The following LIMS1 variants were observed in gnomAD, a reference collection of about 807,000 sequenced individuals.
LIMS1 encodes LIM and senescent cell antigen-like-containing domain protein 1.
Under a neutral mutation model 44.1 loss-of-function variants are expected in LIMS1, and 18 were observed. The ratio of observed to expected loss-of-function variants is 0.41; its 90% CI spans 0.28 to 0.61. The LOEUF (loss-of-function observed/expected upper bound fraction) is 0.61. Ranked by LOEUF, LIMS1 falls within the 20% of genes least tolerant of loss-of-function variation. The pLI, the probability that LIMS1 is intolerant of heterozygous loss-of-function variation, is 0.32. For synonymous variants in LIMS1, 93 were observed against 149.1 expected (o/e 0.62, Z 2.74); for missense variants, 201 against 422.0 (o/e 0.48, Z 4.59).
At chr2:108,660,483 G>A in intron 2 of LIMS1, 1 of 365,688 alleles carries the variant, frequency 2.7e-6, no homozygotes, top group South Asian at 2.1e-5. Flanking sequence ...GCCCAGGCTA[G>A]AGTGTAGTGG....
intron 1 of LIMS1, among the ~76,000 whole-genome samples, chr2:108,643,272 A>G (rs1689831256): frequency 6.6e-6 from 1 of 152,148 alleles, no homozygotes; most frequent in Admixed American, 6.5e-5. Context: ...AAGGCAGGTG[A>G]TTTCTGCATT....
At chr2:108,535,338 A>T (rs2104558080) in intron 1 of LIMS1, among the ~76,000 whole-genome samples, 1 of 152,382 alleles carries the variant, frequency 6.6e-6, no homozygotes, top group South Asian at 2.1e-4. Context: ...CGTAAGTGGA[A>T]GTTTCTCAAA....
intron 1 of LIMS1, among the ~76,000 whole-genome samples, chr2:108,617,567 A>G (rs1428901183): frequency 6.6e-6 from 1 of 152,214 alleles, no homozygotes; most frequent in Non-Finnish European, 1.5e-5. Flanking sequence ...AGGCTCTCAA[A>G]ATTAATTGGT....
intron 8 of LIMS1, among the ~76,000 whole-genome samples, chr2:108,680,060 A>G (rs1386308668): frequency 6.6e-6 from 1 of 151,938 alleles, no homozygotes; most frequent in Non-Finnish European, 1.5e-5. Context: ...CCGTGTCTCT[A>G]TAAAAAATAC....
At chr2:108,570,341 A>T (rs1220533479) in intron 1 of LIMS1, among the ~76,000 whole-genome samples, 1 of 152,092 alleles carries the variant, frequency 6.6e-6, no homozygotes, top group East Asian at 1.9e-4. Flanking sequence ...GAAGTAGGAG[A>T]ATCTCTTGAA....
At chr2:108,611,858 C>T (rs796416998) in intron 1 of LIMS1, among the ~76,000 whole-genome samples, 56 of 84,856 alleles carry the variant, frequency 6.6e-4, no homozygotes, top group East Asian at 6.0e-3. Context: ...TATATATACA[C>T]ACATATATAT....
rs535331473 is a variant in LIMS1, at chr2:108,650,850, TTTTA to T, written c.33-8744_33-8741del. On this transcript the variant is annotated intron_variant, in intron 1 of 9. Transcript: ENST00000544547. ...TAGTCATAGAAGCAGAGGCTATGAC[TTTTA>T]TTTATTTATTCATTCATTCATTCAT... Among the ~76,000 whole-genome samples, 676 of 129,362 alleles carry T rather than the reference TTTTA, an allele frequency of 5.2e-3. 4 individuals carry two copies. The highest frequency in any genetic ancestry group is 0.032 in the East Asian group (58 of 1,834). 84.9% of individuals were successfully genotyped at this position (129,362 alleles called of 152,430 possible). A position where few individuals can be genotyped will look rare whatever the true frequency, so the allele number is the denominator to read the frequency against.
intron 2 of LIMS1, chr2:108,662,210 C>T (rs1691425372): frequency 6.2e-7 from 1 of 1,611,916 alleles, no homozygotes; most frequent in African/African-American, 1.3e-5. Context: ...TTCTTTCTCC[C>T]ATTTTGCCTG....
At chr2:108,627,410 T>G (rs1032483881) in intron 1 of LIMS1, among the ~76,000 whole-genome samples, 5 of 151,120 alleles carry the variant, frequency 3.3e-5, no homozygotes, top group Non-Finnish European at 4.4e-5. Flanking sequence ...GTTTTTTTTT[T>G]TTTTTTTTTT....
In LIMS1 at chr2:108,613,123, C is replaced by A. The variant is rs149471513; in HGVS notation, c.33-46482C>A. Among the ~76,000 whole-genome samples, 16 of 152,252 alleles carry A rather than the reference C, an allele frequency of 1.1e-4. 1 individual carries two copies. The highest frequency in any genetic ancestry group is 3.4e-3 in the Middle Eastern group (1 of 294). The stretch of plus-strand genomic sequence containing the variant: ...TAAATGGGTATAATCACAATACATG[C>A]CTCATAGGGTTGAGATGGAGGTTAA... On this transcript the variant is annotated intron_variant, in intron 1 of 9. Coordinates refer to ENST00000544547, the Ensembl canonical transcript of LIMS1.
Position 108,588,503 on chromosome 2 carries a change from A to T in LIMS1, c.32+53909A>T, listed in dbSNP as rs147326251. ...AGAGAAGGGGAGCTGGAGGTGGCTC[A>T]GGTAGAGTGCGTAGGTTTGCAGAAC... On this transcript the variant is annotated intron_variant, in intron 1 of 9. Transcript: ENST00000544547. 6.9e-5 allele frequency: 68 copies of T among 985,692 alleles called. No individual in the cohort carries two copies. The African/African-American group carries it at 1.0e-3, about 15-fold the overall frequency. The allele number at this position is 985,692 out of a possible 1,614,324, so 61.1% of individuals were successfully genotyped here.
At chr2:108,561,508 A>G (rs549998635) in intron 1 of LIMS1, among the ~76,000 whole-genome samples, 4 of 152,162 alleles carry the variant, frequency 2.6e-5, no homozygotes, top group African/African-American at 9.6e-5. Context: ...GTATGCATCT[A>G]TGTGTGTGTA....
intron 5 of LIMS1, among the ~76,000 whole-genome samples, chr2:108,674,719 CAAAAA>C (rs59992301): frequency 3.2e-4 from 14 of 43,768 alleles, no homozygotes; most frequent in Non-Finnish European, 5.7e-4. Flanking sequence ...AGACTCGTCT[CAAAAA>C]AAAAAAAAAA....
chr2:108,676,157 T>C, intron 6 of LIMS1, 129 bp downstream of exon 6: 1 of 1,232,360 alleles, frequency 8.1e-7, no homozygotes, highest in Non-Finnish European at 1.1e-6. Context: ...TCAGGTGTCC[T>C]GGCAAGATTA....
At chr2:108,606,280 G>A (rs893403) in intron 1 of LIMS1, among the ~76,000 whole-genome samples, 95,021 of 152,074 alleles carry the variant, frequency 0.62, 30,292 homozygotes, top group East Asian at 0.97. Context: ...TGAGTGGCAG[G>A]TCTACCTTAG....
intron 1 of LIMS1, chr2:108,659,147 A>G (rs1416452800): frequency 2.0e-6 from 2 of 980,484 alleles, no homozygotes; most frequent in African/African-American, 3.5e-5. Context: ...ACCCGTGTCT[A>G]GGTTATATGA....
At chr2:108,547,997 A>G (rs1684543710) in intron 1 of LIMS1, among the ~76,000 whole-genome samples, 2 of 152,222 alleles carry the variant, frequency 1.3e-5, no homozygotes, top group South Asian at 4.1e-4. Context: ...CTTTGTAAAC[A>G]TGGCTAGAGA....
intron 1 of LIMS1, among the ~76,000 whole-genome samples, chr2:108,545,841 C>T (rs1573300201): frequency 6.6e-6 from 1 of 152,142 alleles, no homozygotes; most frequent in African/African-American, 2.4e-5. Context: ...GCTGGTTTGG[C>T]CTCTGGACCC....
chr2:108,645,306 C>T (rs981484428), intron 1 of LIMS1, among the ~76,000 whole-genome samples: 1 of 152,090 alleles, frequency 6.6e-6, no homozygotes, highest in African/African-American at 2.4e-5. Flanking sequence ...CGGCAGAAAC[C>T]CTACAAGCCA....
Sources: allele counts gnomAD v4.1 joint callset (sites outside exome capture counted in the v4.1 genomes callset), GRCh38; gene constraint gnomAD v4.1.1; transcripts MANE v1.5; gene names NCBI Gene and HGNC (gene_info 2026-07-23, HGNC 2026-07-21).